The following DDX25 variants were observed in gnomAD, a reference collection of about 807,000 sequenced individuals.
The protein encoded by DDX25 is ATP-dependent RNA helicase DDX25.
In DDX25, 70 loss-of-function variants were observed where a neutral mutation model predicts 64.6. That is an observed-to-expected ratio of 1.08 (90% CI 0.89 to 1.32). The LOEUF (loss-of-function observed/expected upper bound fraction) is 1.32. Ranked by LOEUF, DDX25 falls within the 40% of genes most tolerant of loss-of-function variation. The pLI is 0.00. For missense variants in DDX25, 587 were observed against 604.4 expected, an observed-to-expected ratio of 0.97 and a Z score of 0.30; for synonymous variants, 211 against 213.3, an observed-to-expected ratio of 0.99 and a Z score of 0.09.
Position 125,916,126 on chromosome 11 carries a change from C to G in DDX25, c.801-888C>G, listed in dbSNP as rs1565466460. ...ACTGGACTATATGGTCTCTTTCACT[C>G]TCTTTTAGCACTAACAGTTTATTCC... On this transcript the variant is annotated intron_variant, in intron 8 of 11. Transcript: ENST00000263576. 2.0e-5 allele frequency among the ~76,000 whole-genome samples: 3 copies of G among 152,212 alleles called. No individual in the cohort carries two copies. In the South Asian group the frequency reaches 6.2e-4, roughly 32 times the overall value.
At position 125,923,512 on chromosome 11, in the gene DDX25, A is replaced by T. The variant is rs867214853; in HGVS notation, c.*631A>T. 2 of 152,116 alleles carry T rather than the reference A, an allele frequency of 1.3e-5. No individual in the cohort carries two copies. The highest frequency in any genetic ancestry group is 2.9e-5 in the Non-Finnish European group (2 of 68,026). The allele number at this position is 152,116 out of a possible 1,614,324, so 9.4% of individuals were successfully genotyped here. On this transcript the variant is annotated 3_prime_UTR_variant, in exon 12 of 12. Coordinates refer to ENST00000263576, the MANE Select transcript of DDX25 (RefSeq NM_013264.5). ...CTTCAAATTAAAGATTTACTCCCTC[A>T]TCAGTTATTTCATAGTCTCTAAAAG...
rs926226130 is a variant in DDX25, at chr11:125,911,396, T to C, written c.708T>C (p.Ile236=). Residue 236 remains isoleucine (I), a synonymous_variant, in exon 8 of 12, where the codon ATT becomes ATC. Coordinates refer to ENST00000263576, the MANE Select transcript of DDX25 (RefSeq NM_013264.5). ...ATTGGTGTTTTAAACTAAAATTGAT[T>C]GATTTGACTAAGATTCGTGTGTTTG... ...VLDWCFKLKL[I]DLTKIRVFVL... The C allele has an allele frequency of 6.2e-7, 1 of 1,613,918 alleles. No homozygotes were observed.
intron 4 of DDX25, among the ~76,000 whole-genome samples, chr11:125,907,501 G>A (rs568553531): frequency 8.6e-4 from 131 of 152,154 alleles, no homozygotes; most frequent in Non-Finnish European, 1.4e-3. Flanking sequence ...CTAGCTACTC[G>A]GGAGGCTGAG....
chr11:125,916,377 C>A (rs1945036083), intron 8 of DDX25, among the ~76,000 whole-genome samples: 1 of 152,078 alleles, frequency 6.6e-6, no homozygotes, highest in Non-Finnish European at 1.5e-5. Context: ...TTCTTAATAA[C>A]CCCTTTCTGC....
At chr11:125,913,945 A>T (rs1945000638) in intron 8 of DDX25, among the ~76,000 whole-genome samples, 1 of 152,230 alleles carries the variant, frequency 6.6e-6, no homozygotes, top group Non-Finnish European at 1.5e-5. Flanking sequence ...TTGTCATTAA[A>T]ATAACACAGT....
rs541220204 is a variant in DDX25 at position 125,921,538 on chromosome 11, G to C, written c.1390+159G>C. The C allele has an allele frequency of 2.6e-5, 19 of 734,444 alleles. No homozygotes were observed. The highest frequency in any genetic ancestry group is 4.1e-5 in the Non-Finnish European group (19 of 467,112). The allele number at this position is 734,444 out of a possible 1,614,324, so 45.5% of individuals were successfully genotyped here. A position where few individuals can be genotyped will look rare whatever the true frequency, so the allele number is the denominator to read the frequency against. ...TCACAGGACCAGGGTTCTAATATGA[G>C]ACAGATGATTAAATAATGCTTATAT... On this transcript the variant is annotated intron_variant, in intron 11 of 11. Coordinates refer to ENST00000263576, the MANE Select transcript of DDX25 (RefSeq NM_013264.5). This position sits in a 1 kb window ranked among gnomAD's most constrained non-coding sequence, Gnocchi z 4.1.
chr11:125,917,301 G>A (rs973316959), intron 9 of DDX25, 50 bp downstream of exon 9: 33 of 1,522,562 alleles, frequency 2.2e-5, no homozygotes, highest in African/African-American at 2.7e-5. Flanking sequence ...CCTACAGGCC[G>A]AGGTGGGGGA....
In DDX25 at chr11:125,922,984, T is replaced by C; in HGVS notation, c.*103T>C. Reference sequence around the variant, plus strand: ...TGTTGAGGCTTTTTCGACGTGAAACTGTCACAGATGGCAAAATAAATGTCA... The same window carrying C: ...TGTTGAGGCTTTTTCGACGTGAAACCGTCACAGATGGCAAAATAAATGTCA... On this transcript the variant is annotated 3_prime_UTR_variant, in exon 12 of 12. Transcript: ENST00000263576. 3 of 1,017,524 alleles carry C rather than the reference T, an allele frequency of 2.9e-6. No individual in the cohort carries two copies. The highest frequency in any genetic ancestry group is 1.8e-5 in the South Asian group (1 of 54,486). The allele number at this position is 1,017,524 out of a possible 1,614,324, so 63.0% of individuals were successfully genotyped here.
At chr11:125,907,658 G>A (rs1944912878) in intron 4 of DDX25, among the ~76,000 whole-genome samples, 1 of 151,852 alleles carries the variant, frequency 6.6e-6, no homozygotes, top group African/African-American at 2.4e-5. Flanking sequence ...TCCTCATTCT[G>A]GCATTTTTCT....
Position 125,918,671 on chromosome 11 carries a change from A to G in DDX25, c.1082A>G (p.Asp361Gly), listed in dbSNP as rs1945071912. ...AKWLTVEMIQ[D>G]GHQVSLLSGE... ...TGGTTGACCGTGGAGATGATACAGG[A>G]TGGCCACCAGGTGTCTTTGTTAAGC... Residue 361 changes from aspartate to glycine, a missense_variant, in exon 10 of 12, where the codon GAT becomes GGT. By Grantham distance (94) the Asp-to-Gly change is moderately conservative. Transcript: ENST00000263576. 6.2e-7 allele frequency: 1 copy of G among 1,613,888 alleles called. No individual in the cohort carries two copies. The highest frequency in any genetic ancestry group is 8.5e-7 in the Non-Finnish European group (1 of 1,179,868).
At chr11:125,914,608 A>AT (rs1449571013) in intron 8 of DDX25, among the ~76,000 whole-genome samples, 4 of 152,168 alleles carry the variant, frequency 2.6e-5, no homozygotes, top group Admixed American at 6.5e-5. Flanking sequence ...CAGCCTTCCT[A>AT]TTTAAAATAA....
At chr11:125,905,790 G>A (rs1254036674) in intron 3 of DDX25, among the ~76,000 whole-genome samples, 193 bp downstream of exon 3, 2 of 152,224 alleles carry the variant, frequency 1.3e-5, no homozygotes, top group Non-Finnish European at 2.9e-5. Flanking sequence ...AATGGAATAT[G>A]CAGGGATTGG....
At chr11:125,907,416 G>T (rs900861911) in intron 4 of DDX25, among the ~76,000 whole-genome samples, 2 of 152,230 alleles carry the variant, frequency 1.3e-5, no homozygotes, top group Non-Finnish European at 2.9e-5. Flanking sequence ...AGACCATCCT[G>T]GCTAACACAG....
chr11:125,913,137 G>T (rs1401920938), intron 8 of DDX25, among the ~76,000 whole-genome samples: 1 of 142,644 alleles, frequency 7.0e-6, no homozygotes, highest in Non-Finnish European at 1.5e-5. Context: ...CAGCCTGGGT[G>T]ACAGAGCAAG....
rs776170470 is a variant in DDX25, at chr11:125,925,509, G to A, written c.*2628G>A. ...TTTTCCCGTCTTCCTGCATGGCCTG[G>A]CCAAGGTCATCTCTCTCAGTGCCTG... On this transcript the variant is annotated 3_prime_UTR_variant, in exon 12 of 12. Coordinates refer to ENST00000263576, the MANE Select transcript of DDX25 (RefSeq NM_013264.5). 4.4e-6 allele frequency: 2 copies of A among 455,948 alleles called. No individual in the cohort carries two copies. Among genetic ancestry groups the A allele is most frequent in the South Asian group, 3.1e-5 (2 of 64,542 alleles). 28.2% of individuals were successfully genotyped at this position (455,948 alleles called of 1,614,324 possible). A position where few individuals can be genotyped will look rare whatever the true frequency, so the allele number is the denominator to read the frequency against.
chr11:125,922,257 A>G (rs1412292168), intron 11 of DDX25: 1 of 152,270 alleles, frequency 6.6e-6, no homozygotes, highest in Non-Finnish European at 1.5e-5. Context: ...CCCAAAGCCC[A>G]TGGATGTGGC....
chr11:125,911,407 A>G lies in DDX25; in HGVS notation c.719A>G (p.Lys240Arg). ...CFKLKLIDLT[K>R]IRVFVLDEAD... is the part of the protein sequence containing the mutation. The stretch of plus-strand genomic sequence containing the variant: ...AAACTAAAATTGATTGATTTGACTA[A>G]GATTCGTGTGTTTGTCCTGGATGAA... The change falls in exon 8 of 12, where the codon AAG (lysine) becomes AGG (arginine). Residue 240 changes from lysine (K) to arginine (R), a missense_variant. Lys to Arg is a conservative substitution (Grantham distance 26). Transcript: ENST00000263576. 6.2e-7 allele frequency: 1 copy of G among 1,613,906 alleles called. No homozygotes were observed. The highest frequency in any genetic ancestry group is 8.5e-7 in the Non-Finnish European group (1 of 1,179,864).
chr11:125,903,810 T>G (rs1452297603), upstream of DDX25, among the ~76,000 whole-genome samples: 1 of 152,090 alleles, frequency 6.6e-6, no homozygotes, highest in Non-Finnish European at 1.5e-5. Flanking sequence ...CATTAAATCA[T>G]TAGTACCAGG....
chr11:125,922,692 C>A (rs995798293), intron 11 of DDX25, 128 bp from the exon 12 acceptor site: 35 of 761,376 alleles, frequency 4.6e-5, no homozygotes, highest in South Asian at 1.6e-4. Flanking sequence ...TTTTGGCACC[C>A]TTCCTTCCTT....
Sources: gnomAD v4.1 joint callset for allele counts (sites outside exome capture counted in the v4.1 genomes callset) on GRCh38, gnomAD v4.1.1 for gene constraint, Gnocchi (gnomAD v3.1) non-coding constraint, MANE v1.5 for transcripts, NCBI Gene and HGNC (gene_info 2026-07-23, HGNC 2026-07-21) for gene names.